The following CLEC4F variants were observed in gnomAD, a reference collection of about 807,000 sequenced individuals.
CLEC4F encodes the protein C-type (calcium dependent, carbohydrate-recognition domain) lectin, superfamily member 13.
A neutral mutation model predicts 53.4 loss-of-function variants in CLEC4F; 45 were observed. The ratio of observed to expected loss-of-function variants is 0.84; its 90% CI spans 0.66 to 1.08. The LOEUF (loss-of-function observed/expected upper bound fraction) is 1.08. Among genes scored for constraint, CLEC4F ranks in the 50% least tolerant of loss-of-function variants. The probability of loss-of-function intolerance (pLI) is 0.00; values close to 1 mark genes in which losing one functional copy is unlikely to be tolerated. For synonymous variants in CLEC4F, 245 were observed against 257.5 expected (o/e 0.95, Z 0.46); for missense variants, 753 against 698.2 (o/e 1.08, Z -0.88).
rs1264664823 is a variant in CLEC4F, at chr2:70,808,757, TG to T, written c.*513del. The T allele has an allele frequency of 2.9e-5, 10 of 340,448 alleles. No homozygotes were observed. The highest frequency in any genetic ancestry group is 4.5e-5 in the Non-Finnish European group (8 of 178,350). The allele number at this position is 340,448 out of a possible 1,614,324, so 21.1% of individuals were successfully genotyped here. ...TCCCTTGAGAAGCCACTGATGTCAC[TG>T]GGTCACTCGAGGTAAGCATGTTTGA... On this transcript the variant is annotated 3_prime_UTR_variant, in exon 7 of 7. Transcript: ENST00000272367.
chr2:70,814,748 GA>G (rs1285710846), intron 4 of CLEC4F, among the ~76,000 whole-genome samples: 26 of 146,058 alleles, frequency 1.8e-4, no homozygotes, highest in Admixed American at 6.9e-5. Context: ...TGTCCTTTAA[GA>G]AAAAAAATTA....
In CLEC4F at chr2:70,810,795, C is replaced by T. The variant is rs539544952; in HGVS notation, c.1540-938G>A. 738 of 508,344 alleles carry T rather than the reference C, an allele frequency of 1.5e-3. 1 individual carries two copies. The highest frequency in any genetic ancestry group is 2.4e-3 in the Non-Finnish European group (627 of 261,268). 31.5% of individuals were successfully genotyped at this position (508,344 alleles called of 1,614,324 possible). ...ATCAGTACATTTTCCCATTTGATTC[C>T]CTTCATGCTTCACTTTCCCCAGAAA... On this transcript the variant is annotated intron_variant, in intron 5 of 6. Transcript: ENST00000272367.
chr2:70,816,348 T>C lies in CLEC4F; in HGVS notation c.1033A>G (p.Thr345Ala). 1 of 1,614,186 alleles carries C rather than the reference T, an allele frequency of 6.2e-7. No individual in the cohort carries two copies. The highest frequency in any genetic ancestry group is 8.5e-7 in the Non-Finnish European group (1 of 1,180,046). Reference protein sequence around the residue: ...KRDLKMVTAQTQKANGRLDQT... With the variant: ...KRDLKMVTAQAQKANGRLDQT... ...TCCAGACGGCCATTTGCTTTTTGGGTCTGGGCTGTGACCATTTTCAAATCC... is the reference window on the plus strand; with the variant it reads ...TCCAGACGGCCATTTGCTTTTTGGGCCTGGGCTGTGACCATTTTCAAATCC... Residue 345 changes from threonine to alanine, a missense_variant, in exon 4 of 7, where the codon ACC becomes GCC. By Grantham distance (58) the Thr-to-Ala change is moderately conservative (BLOSUM62 0). Transcript: ENST00000272367.
upstream of CLEC4F, among the ~76,000 whole-genome samples, chr2:70,825,181 A>G (rs2104692574): frequency 6.6e-6 from 1 of 152,330 alleles, no homozygotes; most frequent in East Asian, 1.9e-4. Context: ...ATTCCATTTA[A>G]GGGACAATCT....
At position 70,816,888 on chromosome 2, in the gene CLEC4F, G is replaced by T. The variant is rs371006498; in HGVS notation, c.493C>A (p.Gln165Lys). 41 of 1,614,012 alleles carry T rather than the reference G, an allele frequency of 2.5e-5. No individual in the cohort carries two copies. Among genetic ancestry groups the T allele is most frequent in the Non-Finnish European group, 3.2e-5 (38 of 1,180,014 alleles). The change falls in exon 4 of 7, where the codon CAG (glutamine) becomes AAG (lysine). Residue 165 changes from glutamine (Q) to lysine (K), a missense_variant. Physicochemically the swap from Gln to Lys is moderately conservative, Grantham distance 53. Transcript: ENST00000272367. ...AGGGAACTCCTTAACATCTGTGTCTGCAAACTCAATGTAGTGGCATCCTTT... is the reference window on the plus strand; with the variant it reads ...AGGGAACTCCTTAACATCTGTGTCTTCAAACTCAATGTAGTGGCATCCTTT... ...VLKDATTLSL[Q>K]TQMLRSSLEG...
upstream of CLEC4F, among the ~76,000 whole-genome samples, chr2:70,822,874 G>A (rs894749405): frequency 3.3e-5 from 5 of 152,136 alleles, no homozygotes; most frequent in African/African-American, 9.7e-5. Flanking sequence ...CAGATCCTGG[G>A]GTCAGCCTCT....
chr2:70,812,740 G>T (rs1344058398), intron 4 of CLEC4F, 142 bp from the exon 5 acceptor site: 8 of 831,774 alleles, frequency 9.6e-6, no homozygotes, highest in Middle Eastern at 3.7e-4. Context: ...CAGGAGAAAG[G>T]CCTGGGGGGC....
At chr2:70,813,780 C>T (rs530652322) in intron 4 of CLEC4F, among the ~76,000 whole-genome samples, 1 of 151,978 alleles carries the variant, frequency 6.6e-6, no homozygotes, top group Admixed American at 6.6e-5. Context: ...CGGGTTCAAG[C>T]GATTCTCCTG....
intron 5 of CLEC4F, chr2:70,810,876 C>A: frequency 1.8e-6 from 1 of 553,176 alleles, no homozygotes. Flanking sequence ...CCTTGGACAT[C>A]AAATTATATT....
At position 70,820,518 on chromosome 2, in the gene CLEC4F, G is replaced by A. The variant is rs545217273; in HGVS notation, c.6C>T (p.Asp2=). The change falls in exon 1 of 7, where the codon GAC becomes GAT. Residue 2 remains aspartate, a synonymous_variant. Coordinates refer to ENST00000272367, the MANE Select transcript of CLEC4F (RefSeq NM_173535.3). M[D]GEAVRFCTDN... ...CTGTGCAGAAGCGGACTGCCTCACC[G>A]TCCATCTCTGCTTCCTTGATCCTCC... 3.4e-5 allele frequency: 54 copies of A among 1,585,816 alleles called. No individual in the cohort carries two copies. The highest frequency in any genetic ancestry group is 1.5e-4 in the South Asian group (13 of 87,072).
rs1345758515 is a variant in CLEC4F at position 70,809,923 on chromosome 2, A to G, written c.1540-66T>C. ...GGAGCCAGTTTTCCAGGCCACCTGG[A>G]GAACCTGCTTATAGATATACACATA... is the stretch of plus-strand genomic sequence containing the variant. On this transcript the variant is annotated intron_variant, in intron 5 of 6. Coordinates refer to ENST00000272367, the MANE Select transcript of CLEC4F (RefSeq NM_173535.3). 5 of 974,508 alleles carry G rather than the reference A, an allele frequency of 5.1e-6. No individual in the cohort carries two copies. The African/African-American group carries it at 8.0e-5, about 16-fold the overall frequency. 60.4% of individuals were successfully genotyped at this position (974,508 alleles called of 1,614,324 possible).
rs1676408172 is a variant in CLEC4F, at chr2:70,809,335, T to G, written c.1706A>C (p.Asn569Thr). 6.2e-7 allele frequency: 1 copy of G among 1,613,708 alleles called. No individual in the cohort carries two copies. The highest frequency in any genetic ancestry group is 8.5e-7 in the Non-Finnish European group (1 of 1,179,962). ...SCPLRKYIIV[N>T]SGMGACSFID... ...GAAGCTGCAAGCTCCCATCCCAGAA[T>G]TCACAATAATATACTTTCTGAGTGG... The change falls in exon 7 of 7, where the codon AAT (asparagine) becomes ACT (threonine). Residue 569 changes from asparagine to threonine, a missense_variant. Transcript: ENST00000272367.
chr2:70,813,597 C>CTCTTTCTTTCTTTCTTTCTTTCTTTCTT (rs370418600), intron 4 of CLEC4F, among the ~76,000 whole-genome samples: 3,142 of 106,180 alleles, frequency 0.03, 161 homozygotes, highest in Admixed American at 0.037. Context: ...CTCTTTCTTT[C>CTCTTTCTTTCTTTCTTTCTTTCTTTCTT]TCTTTCTTTC....
chr2:70,816,667 G>T lies in CLEC4F; in HGVS notation c.714C>A (p.Thr238=). 2 of 1,614,116 alleles carry T rather than the reference G, an allele frequency of 1.2e-6. No individual in the cohort carries two copies. The highest frequency in any genetic ancestry group is 1.7e-6 in the Non-Finnish European group (2 of 1,180,036). ...AACTGCTATTGGCTAACTGAGCCTG[G>T]GTATTTGCCGTTTCCAAACTGGCAT... is the stretch of plus-strand genomic sequence containing the variant. The part of the protein sequence containing the change: ...MLNASLETAN[T]QAQLANSSLK... Residue 238 remains threonine, a synonymous_variant, in exon 4 of 7, where the codon ACC becomes ACA. Coordinates refer to ENST00000272367, the MANE Select transcript of CLEC4F (RefSeq NM_173535.3).
At chr2:70,819,644 G>T (rs1168637738) in intron 2 of CLEC4F, 131 bp downstream of exon 2, 4 of 838,004 alleles carry the variant, frequency 4.8e-6, no homozygotes, top group East Asian at 4.9e-5. Context: ...GCTGTGGCTT[G>T]GGCCTGGAGC....
intron 3 of CLEC4F, 92 bp from the exon 4 acceptor site, chr2:70,817,204 G>A: frequency 7.5e-7 from 1 of 1,337,702 alleles, no homozygotes; most frequent in South Asian, 1.5e-5. Flanking sequence ...ACATTTCCAA[G>A]GGAAATGGGT....
upstream of CLEC4F, among the ~76,000 whole-genome samples, chr2:70,822,266 TTGGTGTCAGAAG>T (rs1479859445): frequency 7.9e-5 from 12 of 152,060 alleles, no homozygotes; most frequent in African/African-American, 2.9e-4. Context: ...AAGCACACAT[TTGGTGTCAGAAG>T]TGGTGTCAGA....
At chr2:70,824,120 C>T (rs906451798), upstream of CLEC4F, among the ~76,000 whole-genome samples, 9 of 151,480 alleles carry the variant, frequency 5.9e-5, no homozygotes, top group Non-Finnish European at 1.3e-4. Flanking sequence ...GGGAGAGAGG[C>T]GGATTCTTCT....
Position 70,809,239 on chromosome 2 carries a change from G to C in CLEC4F, c.*32C>G. On this transcript the variant is annotated 3_prime_UTR_variant, in exon 7 of 7. Coordinates refer to ENST00000272367, the MANE Select transcript of CLEC4F (RefSeq NM_173535.3). ...GATGAGGACAGGGCTGGGAGAAGGA[G>C]TACCCTGAGGGTGTCTGTGCTCAGG... The C allele has an allele frequency of 6.2e-7, 1 of 1,610,050 alleles. No individual in the cohort carries two copies. The highest frequency in any genetic ancestry group is 8.5e-7 in the Non-Finnish European group (1 of 1,178,418).
Sources: gnomAD v4.1 joint callset for allele counts (sites outside exome capture counted in the v4.1 genomes callset) on GRCh38, gnomAD v4.1.1 for gene constraint, MANE v1.5 for transcripts, NCBI Gene and HGNC (gene_info 2026-07-23, HGNC 2026-07-21) for gene names.